The following SDK1 variants were observed in gnomAD, a reference collection of about 807,000 sequenced individuals.
SDK1 encodes the protein sidekick cell adhesion molecule 1.
SDK1 carries 157 observed loss-of-function variants against 245.5 expected under a neutral mutation model. The ratio of observed to expected loss-of-function variants is 0.64; its 90% CI spans 0.56 to 0.73. The LOEUF is 0.73. Ranked by LOEUF, SDK1 falls within the 30% of genes least tolerant of loss-of-function variation. SDK1 has a pLI of 0.00. For missense variants in SDK1, 3,583 were observed against 3,002.3 expected, an observed-to-expected ratio of 1.19 and a Z score of -4.52; for synonymous variants, 1,647 against 1,278.5, an observed-to-expected ratio of 1.29 and a Z score of -6.15.
chr7:4,175,793 C>A lies in SDK1; in HGVS notation c.4955C>A (p.Thr1652Lys), dbSNP rs752060295. The stretch of plus-strand genomic sequence containing the variant: ...CCAATAGCCCAAAGCAGCTTCAAGA[C>A]GGTGAACAGCAGCTCCACATCGACG... ...AELTAQSSFK[T>K]VNSSSTSTMC... Residue 1652 changes from threonine to lysine, a missense_variant, in exon 34 of 45, where the codon ACG (threonine) becomes AAG (lysine). Coordinates refer to ENST00000404826, the MANE Select transcript of SDK1 (RefSeq NM_152744.4). 15 of 1,613,812 alleles carry A rather than the reference C, an allele frequency of 9.3e-6. No homozygotes were observed. In the East Asian group the frequency reaches 2.9e-4, roughly 31 times the overall value.
chr7:3,326,548 A>C (rs1018723738), intron 1 of SDK1, among the ~76,000 whole-genome samples: 1 of 152,108 alleles, frequency 6.6e-6, no homozygotes, highest in African/African-American at 2.4e-5. Context: ...TGGCTCATAC[A>C]GTATGTCTTG....
chr7:3,428,819 G>T (rs925909548), intron 1 of SDK1, among the ~76,000 whole-genome samples: 3 of 151,974 alleles, frequency 2.0e-5, no homozygotes, highest in Non-Finnish European at 2.9e-5. Context: ...GTTTTATTCT[G>T]GAACAAATAA....
At chr7:3,884,931 G>A (rs1160142316) in intron 5 of SDK1, among the ~76,000 whole-genome samples, 1 of 152,128 alleles carries the variant, frequency 6.6e-6, no homozygotes, top group African/African-American at 2.4e-5. Flanking sequence ...TCCCTTTCTC[G>A]CCATAAGCGC....
intron 1 of SDK1, among the ~76,000 whole-genome samples, chr7:3,410,478 C>G (rs964384079): frequency 6.6e-6 from 1 of 150,924 alleles, no homozygotes; most frequent in East Asian, 2.0e-4. Context: ...AAAGGATACT[C>G]AATTTGTGTA....
chr7:3,749,198 A>G (rs1159908666), intron 4 of SDK1, among the ~76,000 whole-genome samples: 1 of 152,098 alleles, frequency 6.6e-6, no homozygotes, highest in Non-Finnish European at 1.5e-5. Flanking sequence ...GTGCAGTGGC[A>G]TAATCTCTGC....
At chr7:3,896,826 G>A (rs186293254) in intron 5 of SDK1, among the ~76,000 whole-genome samples, 6 of 152,256 alleles carry the variant, frequency 3.9e-5, no homozygotes, top group Admixed American at 2.6e-4. Context: ...CTTAATTGTA[G>A]CAAAATATAC....
At chr7:3,372,043 G>T (rs780819566) in intron 1 of SDK1, among the ~76,000 whole-genome samples, 1 of 152,208 alleles carries the variant, frequency 6.6e-6, no homozygotes, top group East Asian at 1.9e-4. Context: ...CATCAGCTAC[G>T]TTGTTAACAT....
chr7:3,999,498 G>A (rs1784918778), intron 14 of SDK1, among the ~76,000 whole-genome samples: 1 of 152,228 alleles, frequency 6.6e-6, no homozygotes, highest in Admixed American at 6.5e-5. Context: ...GTGTGGGCAT[G>A]GAGGCCCTTG....
At chr7:3,331,914 A>T (rs188398499) in intron 1 of SDK1, among the ~76,000 whole-genome samples, 1 of 152,210 alleles carries the variant, frequency 6.6e-6, no homozygotes, top group Admixed American at 6.5e-5. Flanking sequence ...CTTGCAATGT[A>T]GCTTTGCATT....
rs117914100 is a variant in SDK1 at position 3,440,301 on chromosome 7, C to G, written c.298+138417C>G. 8.5e-5 allele frequency among the ~76,000 whole-genome samples: 13 copies of G among 152,272 alleles called. No homozygotes were observed. In the South Asian group the frequency reaches 2.7e-3, roughly 32 times the overall value. On this transcript the variant is annotated intron_variant, in intron 1 of 44. Transcript: ENST00000404826. Reference sequence around the variant, plus strand: ...TTTTCAAATGAAGGAGTCCACCTTGCTTAGTTCAGGTTGCTCAGTGCAAGT... The same window carrying G: ...TTTTCAAATGAAGGAGTCCACCTTGGTTAGTTCAGGTTGCTCAGTGCAAGT...
At chr7:3,498,119 T>C (rs1782081754) in intron 1 of SDK1, among the ~76,000 whole-genome samples, 2 of 152,226 alleles carry the variant, frequency 1.3e-5, no homozygotes, top group Non-Finnish European at 2.9e-5. Context: ...CAAAACTTTA[T>C]TCTTAAAACT....
At chr7:3,738,701 C>A (rs1005212347) in intron 4 of SDK1, among the ~76,000 whole-genome samples, 2 of 152,000 alleles carry the variant, frequency 1.3e-5, no homozygotes, top group African/African-American at 2.4e-5. Context: ...TCTTTTATTT[C>A]TTTCAGAAAT....
chr7:4,174,191 G>A, intron 32 of SDK1, 31 bp from the exon 33 acceptor site: 1 of 1,612,830 alleles, frequency 6.2e-7, no homozygotes, highest in Non-Finnish European at 8.5e-7. Flanking sequence ...GACTCCCATG[G>A]TGTGGCTGAG....
intron 30 of SDK1, among the ~76,000 whole-genome samples, chr7:4,152,328 C>T (rs1780440164): frequency 6.6e-6 from 1 of 152,198 alleles, no homozygotes; most frequent in Non-Finnish European, 1.5e-5. Context: ...CTCCCAGAGC[C>T]CTGGAATTCT....
chr7:4,180,376 C>T (rs1307378137), intron 35 of SDK1, among the ~76,000 whole-genome samples: 1 of 149,228 alleles, frequency 6.7e-6, no homozygotes, highest in Non-Finnish European at 1.5e-5. Flanking sequence ...ATGCCCAGCG[C>T]CTGGCTCCAG....
rs561577505 is a variant in SDK1 at position 3,856,166 on chromosome 7, A to G, written c.847+34583A>G. On this transcript the variant is annotated intron_variant, in intron 5 of 44. Transcript: ENST00000404826. The stretch of plus-strand genomic sequence containing the variant: ...TTCTTATCTTGCTCAAGGGAAGGAT[A>G]TGCTTATTGATTCAGTCTAGATACA... 8.5e-5 allele frequency among the ~76,000 whole-genome samples: 13 copies of G among 152,306 alleles called. No homozygotes were observed. In the East Asian group the frequency reaches 1.9e-3, roughly 23 times the overall value.
At chr7:3,650,680 C>G (rs139108205) in intron 4 of SDK1, among the ~76,000 whole-genome samples, 2 of 152,244 alleles carry the variant, frequency 1.3e-5, no homozygotes, top group South Asian at 4.1e-4. Flanking sequence ...TCTTATTAAC[C>G]TTTTATGGCC....
chr7:3,789,625 C>G (rs1781017866), intron 4 of SDK1, among the ~76,000 whole-genome samples: 1 of 152,162 alleles, frequency 6.6e-6, no homozygotes, highest in African/African-American at 2.4e-5. Flanking sequence ...TATCATCCAA[C>G]TTCTGATCAA....
intron 1 of SDK1, among the ~76,000 whole-genome samples, chr7:3,387,391 C>G (rs1781636623): frequency 6.6e-6 from 1 of 152,128 alleles, no homozygotes; most frequent in Non-Finnish European, 1.5e-5. Context: ...AGGAGCTCAC[C>G]CTGATGAAGG....
Sources: gnomAD v4.1 joint callset for allele counts (sites outside exome capture counted in the v4.1 genomes callset) on GRCh38, gnomAD v4.1.1 for gene constraint, MANE v1.5 for transcripts, NCBI Gene and HGNC (gene_info 2026-07-23, HGNC 2026-07-21) for gene names.